MEI1: variants seen among roughly 807,000 people sequenced by gnomAD.
The protein encoded by MEI1 is meiotic double-stranded break formation protein 1, also known as meiosis inhibitor protein 1.
In MEI1, 103 loss-of-function variants were observed where a neutral mutation model predicts 146.2. That is an observed-to-expected ratio of 0.70 (90% CI 0.60 to 0.83). The LOEUF (loss-of-function observed/expected upper bound fraction) is 0.83, where lower values mean the gene tolerates loss of function less well. Among genes scored for constraint, MEI1 ranks in the 40% least tolerant of loss-of-function variants. The pLI is 0.00. For missense variants in MEI1, 1,529 were observed against 1,533.0 expected (o/e 1.00, Z 0.04); for synonymous variants, 652 against 628.2 (o/e 1.04, Z -0.57).
chr22:41,752,559 C>G (rs769922864), intron 15 of MEI1, 32 bp from the exon 16 acceptor site: 3 of 1,570,356 alleles, frequency 1.9e-6, no homozygotes, highest in Non-Finnish European at 1.7e-6. Flanking sequence ...CTGGTTTAAA[C>G]TGCTCTCTGC....
intron 9 of MEI1, 34 bp from the exon 10 acceptor site, chr22:41,732,211 G>A (rs369762769): frequency 2.1e-5 from 33 of 1,539,628 alleles, no homozygotes; most frequent in Non-Finnish European, 2.9e-5. Flanking sequence ...AGAGAGCACT[G>A]ATCCCTGGCC....
At chr22:41,728,436 C>T (rs1244716490) in intron 7 of MEI1, among the ~76,000 whole-genome samples, 1 of 152,192 alleles carries the variant, frequency 6.6e-6, no homozygotes, top group Non-Finnish European at 1.5e-5. Flanking sequence ...TTGTTGCAAA[C>T]ATCAAAGCCA....
intron 3 of MEI1, among the ~76,000 whole-genome samples, chr22:41,707,913 A>C (rs1391427438): frequency 6.6e-6 from 1 of 152,232 alleles, no homozygotes; most frequent in Non-Finnish European, 1.5e-5. Context: ...CAAAGACAAT[A>C]GTGTAATAAC....
chr22:41,752,055 T>C (rs1037139671), intron 15 of MEI1, among the ~76,000 whole-genome samples: 1 of 149,488 alleles, frequency 6.7e-6, no homozygotes, highest in African/African-American at 2.5e-5. Flanking sequence ...GGCGACAGAG[T>C]GAGGCTCCGT....
chr22:41,721,752 C>T (rs1481161696), intron 6 of MEI1, among the ~76,000 whole-genome samples: 4 of 119,232 alleles, frequency 3.4e-5, no homozygotes, highest in Non-Finnish European at 6.5e-5. Context: ...GATGGAGTCT[C>T]GCTCTTTCAC....
intron 15 of MEI1, among the ~76,000 whole-genome samples, chr22:41,749,878 C>G (rs1356839321): frequency 6.7e-6 from 1 of 148,838 alleles, no homozygotes; most frequent in South Asian, 2.1e-4. Context: ...AGAAGGCTCA[C>G]TGGGGGAGGA....
chr22:41,778,587 C>T, intron 21 of MEI1, 121 bp from the exon 22 acceptor site: 1 of 683,706 alleles, frequency 1.5e-6, no homozygotes, highest in South Asian at 1.8e-5. Context: ...AAACACCTCA[C>T]CCCTTAGGAA....
At chr22:41,756,480 T>C (rs935582205) in intron 17 of MEI1, among the ~76,000 whole-genome samples, 2 of 151,252 alleles carry the variant, frequency 1.3e-5, no homozygotes, top group Non-Finnish European at 2.9e-5. Context: ...TTCTTTCCTT[T>C]TTTTTTGTTT....
intron 26 of MEI1, among the ~76,000 whole-genome samples, chr22:41,792,876 G>C (rs1271946563): frequency 6.7e-6 from 1 of 149,220 alleles, no homozygotes; most frequent in East Asian, 2.0e-4. Context: ...ATTTTCATGT[G>C]CTTATTAGAG....
chr22:41,752,722 T>G, intron 16 of MEI1, 71 bp downstream of exon 16: 2 of 1,360,874 alleles, frequency 1.5e-6, no homozygotes, highest in African/African-American at 1.4e-5. Context: ...AAGTGGGAAT[T>G]GTTGGCTGGT....
At chr22:41,749,286 T>C (rs1215454891) in intron 15 of MEI1, among the ~76,000 whole-genome samples, 2 of 152,132 alleles carry the variant, frequency 1.3e-5, no homozygotes, top group Non-Finnish European at 2.9e-5. Flanking sequence ...TTTCTTTTTT[T>C]TTTTTTGAGA....
intron 9 of MEI1, among the ~76,000 whole-genome samples, chr22:41,730,901 G>A (rs982875721): frequency 2.0e-5 from 3 of 152,158 alleles, no homozygotes; most frequent in African/African-American, 7.2e-5. Context: ...ATGAATTCCT[G>A]TTGCATGTTA....
chr22:41,732,363 C>G lies in MEI1; in HGVS notation c.1196+19C>G. The G allele has an allele frequency of 6.2e-7, 1 of 1,613,298 alleles. No homozygotes were observed. ...TGACCCGGTGAGCAAAGTGGTGGAACATGAGGCTTGTAGGGGCCAGACTGC... is the reference window on the plus strand; with the variant it reads ...TGACCCGGTGAGCAAAGTGGTGGAAGATGAGGCTTGTAGGGGCCAGACTGC... On this transcript the variant is annotated intron_variant, in intron 10 of 30. Coordinates refer to ENST00000401548, the MANE Select transcript of MEI1 (RefSeq NM_152513.4).
rs1341449959 is a variant in MEI1, at chr22:41,763,377, T to TC, written c.2268+59dup. On this transcript the variant is annotated intron_variant, in intron 19 of 30. Transcript: ENST00000401548. The stretch of plus-strand genomic sequence containing the variant: ...CTTCTGTACCTCTTTACATTAGTGT[T>TC]CCCTGGGAGACCATGATGATGATAG... 4.4e-6 allele frequency: 7 copies of TC among 1,575,680 alleles called. No homozygotes were observed. The African/African-American group carries it at 9.5e-5, about 21-fold the overall frequency.
chr22:41,795,879 T>C lies in MEI1; in HGVS notation c.3779+32T>C. On this transcript the variant is annotated intron_variant, in intron 30 of 30. Coordinates refer to ENST00000401548, the MANE Select transcript of MEI1 (RefSeq NM_152513.4). The surrounding 1 kb of genome is among the most constrained non-coding windows in gnomAD (Gnocchi z 4.2). ...TTTCTTGCATCTATGATGAAGGAGA[T>C]GCCAAATCACTGGGTGTTTGGGGCT... 6.2e-7 allele frequency: 1 copy of C among 1,613,004 alleles called. No individual in the cohort carries two copies. Among genetic ancestry groups the C allele is most frequent in the Middle Eastern group, 1.7e-4 (1 of 6,048 alleles).
At chr22:41,743,365 T>C (rs145099432) in intron 12 of MEI1, among the ~76,000 whole-genome samples, 171 bp downstream of exon 12, 24 of 152,326 alleles carry the variant, frequency 1.6e-4, no homozygotes, top group African/African-American at 5.8e-4. Context: ...GCTTAAGGAT[T>C]ACTATTGTCA....
intron 19 of MEI1, 117 bp from the exon 20 acceptor site, chr22:41,770,569 A>G: frequency 1.0e-6 from 1 of 969,560 alleles, no homozygotes; most frequent in Non-Finnish European, 1.5e-6. Flanking sequence ...GAGCTAGCCA[A>G]GGTGTCCTGG....
intron 30 of MEI1, among the ~76,000 whole-genome samples, chr22:41,798,428 A>T (rs2076451687): frequency 6.6e-6 from 1 of 151,882 alleles, no homozygotes; most frequent in South Asian, 2.1e-4. Context: ...AAATACAAAA[A>T]TTAGCTGGGC....
Position 41,784,791 on chromosome 22 carries a change from C to T in MEI1, c.3345+8C>T, listed in dbSNP as rs368541998. On this transcript the variant is annotated splice_region_variant and intron_variant, in intron 26 of 30. Coordinates refer to ENST00000401548, the MANE Select transcript of MEI1 (RefSeq NM_152513.4). ...CAGAACCTCCTGGTGCAGGTAAGGC[C>T]CTTGCTGAGTGGGGCTTGCTTCTCC... 28 of 1,588,796 alleles carry T rather than the reference C, an allele frequency of 1.8e-5. No homozygotes were observed. In the African/African-American group the frequency reaches 2.7e-4, roughly 15 times the overall value.
Sources: gnomAD v4.1 joint callset for allele counts (sites outside exome capture counted in the v4.1 genomes callset) on GRCh38, gnomAD v4.1.1 for gene constraint, Gnocchi (gnomAD v3.1) non-coding constraint, MANE v1.5 for transcripts, NCBI Gene and HGNC (gene_info 2026-07-23, HGNC 2026-07-21) for gene names.